EGFR: variants seen among roughly 807,000 people sequenced by gnomAD.
EGFR encodes epidermal growth factor receptor.
EGFR carries 58 observed loss-of-function variants against 143.0 expected under a neutral mutation model. The observed-to-expected ratio is 0.41, with a 90% CI of 0.33 to 0.50. The LOEUF (loss-of-function observed/expected upper bound fraction) is 0.50. Among genes scored for constraint, EGFR ranks in the 20% least tolerant of loss-of-function variants. The pLI is 0.39. For synonymous variants in EGFR, 613 were observed against 594.4 expected, an observed-to-expected ratio of 1.03 and a Z score of -0.45; for missense variants, 1,307 against 1,579.0, an observed-to-expected ratio of 0.83 and a Z score of 2.92.
At position 55,142,334 on chromosome 7, in the gene EGFR, A is replaced by T. The variant is rs1343024399; in HGVS notation, c.137A>T (p.Asp46Val). The T allele has an allele frequency of 9.3e-6, 15 of 1,614,260 alleles. No individual in the cohort carries two copies. The highest frequency in any genetic ancestry group is 1.3e-5 in the Non-Finnish European group (15 of 1,180,042). The change falls in exon 2 of 28, where the codon GAT becomes GTT. Residue 46 changes from aspartate to valine, a missense_variant. Asp to Val is a radical substitution (Grantham distance 152, BLOSUM62 -3). Coordinates refer to ENST00000275493, the MANE Select transcript of EGFR (RefSeq NM_005228.5). Reference sequence around the variant, plus strand: ...CTCACGCAGTTGGGCACTTTTGAAGATCATTTTCTCAGCCTCCAGAGGATG... The same window carrying T: ...CTCACGCAGTTGGGCACTTTTGAAGTTCATTTTCTCAGCCTCCAGAGGATG... ...NKLTQLGTFE[D>V]HFLSLQRMFN...
At chr7:55,029,016 G>C (rs1188743136) in intron 1 of EGFR, among the ~76,000 whole-genome samples, 1 of 152,098 alleles carries the variant, frequency 6.6e-6, no homozygotes. Context: ...AAAAACAGCT[G>C]GGTGCGGTGG....
intron 22 of EGFR, among the ~76,000 whole-genome samples, chr7:55,196,024 T>C (rs1417584835): frequency 1.3e-5 from 2 of 152,070 alleles, no homozygotes; most frequent in Non-Finnish European, 2.9e-5. Flanking sequence ...TATATTCCTT[T>C]GAGTAATGGG....
At chr7:55,071,901 G>C (rs184809514) in intron 1 of EGFR, among the ~76,000 whole-genome samples, 17 of 152,344 alleles carry the variant, frequency 1.1e-4, no homozygotes, top group African/African-American at 4.1e-4. Context: ...TTCTGGGCAA[G>C]GCAAGGCAAA....
intron 1 of EGFR, among the ~76,000 whole-genome samples, chr7:55,085,187 C>A (rs925212991): frequency 6.6e-6 from 1 of 152,336 alleles, no homozygotes. Context: ...TGTGTTTAAT[C>A]ACATGAAGGA....
chr7:55,094,407 C>A (rs1791318128), intron 1 of EGFR, among the ~76,000 whole-genome samples: 1 of 152,236 alleles, frequency 6.6e-6, no homozygotes, highest in African/African-American at 2.4e-5. Context: ...CACTGATCAT[C>A]TGGGGAGACT....
intron 15 of EGFR, among the ~76,000 whole-genome samples, chr7:55,167,177 G>A (rs183097752): frequency 2.1e-5 from 3 of 140,866 alleles, no homozygotes; most frequent in East Asian, 4.9e-4. Flanking sequence ...TGGTGATGAC[G>A]GTGTTGACAG....
At chr7:55,133,500 C>G (rs559091835) in intron 1 of EGFR, among the ~76,000 whole-genome samples, 1 of 152,192 alleles carries the variant, frequency 6.6e-6, no homozygotes, top group African/African-American at 2.4e-5. Flanking sequence ...GTCAGCTGGC[C>G]GGGTTTTGAA....
At chr7:55,183,811 C>T (rs1319698449) in intron 20 of EGFR, among the ~76,000 whole-genome samples, 1 of 152,238 alleles carries the variant, frequency 6.6e-6, no homozygotes, top group African/African-American at 2.4e-5. Flanking sequence ...GGCTATTCCC[C>T]AAACCCGGCC....
chr7:55,118,892 T>TA (rs1357740598), intron 1 of EGFR, among the ~76,000 whole-genome samples: 1 of 150,220 alleles, frequency 6.7e-6, no homozygotes, highest in Admixed American at 6.7e-5. Flanking sequence ...TTATTTTACT[T>TA]AAAAAACTCA....
intron 1 of EGFR, among the ~76,000 whole-genome samples, chr7:55,135,876 T>C (rs1794109261): frequency 6.6e-6 from 1 of 152,120 alleles, no homozygotes. Flanking sequence ...TAGCCTTCTT[T>C]AACACTGATT....
At chr7:55,176,114 C>G (rs1377836867) in intron 19 of EGFR, among the ~76,000 whole-genome samples, 1 of 152,194 alleles carries the variant, frequency 6.6e-6, no homozygotes, top group Admixed American at 6.5e-5. Context: ...AATCTCTGGC[C>G]CCTCACCTGT....
chr7:55,132,900 C>A (rs1793935623), intron 1 of EGFR, among the ~76,000 whole-genome samples: 3 of 152,206 alleles, frequency 2.0e-5, no homozygotes, highest in African/African-American at 7.2e-5. Context: ...CATCTCAGAG[C>A]AGGGTGGAGT....
chr7:55,195,694 C>T (rs1382765080), intron 22 of EGFR, among the ~76,000 whole-genome samples: 5 of 152,080 alleles, frequency 3.3e-5, no homozygotes, highest in South Asian at 2.1e-4. Flanking sequence ...CCTATAGACC[C>T]CAGTGTGTGT....
At chr7:55,084,335 G>T (rs1206156797) in intron 1 of EGFR, among the ~76,000 whole-genome samples, 1 of 152,216 alleles carries the variant, frequency 6.6e-6, no homozygotes, top group East Asian at 1.9e-4. Flanking sequence ...TCCATAAGCA[G>T]TTCTTAGCAT....
chr7:55,104,406 A>C (rs1376533071), intron 1 of EGFR, among the ~76,000 whole-genome samples: 1 of 152,096 alleles, frequency 6.6e-6, no homozygotes, highest in Admixed American at 6.5e-5. Flanking sequence ...AGCCCCATGG[A>C]TTCTGAGACA....
intron 15 of EGFR, chr7:55,166,296 A>G (rs1338397483): frequency 8.7e-6 from 5 of 576,198 alleles, no homozygotes; most frequent in African/African-American, 1.8e-5. Flanking sequence ...GAGCTGTCAT[A>G]TAGTAGTTCA....
chr7:55,108,856 C>T (rs1792293490), intron 1 of EGFR, among the ~76,000 whole-genome samples: 1 of 152,178 alleles, frequency 6.6e-6, no homozygotes, highest in Non-Finnish European at 1.5e-5. Flanking sequence ...TGTGCAACTT[C>T]CTAAGGAGTG....
At chr7:55,040,765 C>T (rs1208559734) in intron 1 of EGFR, among the ~76,000 whole-genome samples, 1 of 152,084 alleles carries the variant, frequency 6.6e-6, no homozygotes, top group Admixed American at 6.5e-5. Context: ...TTTATAGAAA[C>T]ACAAGAAAAT....
intron 15 of EGFR, chr7:55,170,701 G>A (rs1162756512): frequency 1.3e-6 from 2 of 1,551,106 alleles, no homozygotes; most frequent in African/African-American, 2.7e-5. Flanking sequence ...TCACCCCCAG[G>A]ACTGACCTCT....
Sources: allele counts gnomAD v4.1 joint callset (sites outside exome capture counted in the v4.1 genomes callset), GRCh38; gene constraint gnomAD v4.1.1; transcripts MANE v1.5; gene names NCBI Gene and HGNC (gene_info 2026-07-23, HGNC 2026-07-21).